The following PGR variants were observed in gnomAD, a reference collection of about 807,000 sequenced individuals.
The protein encoded by PGR is nuclear receptor subfamily 3 group C member 3.
In PGR, 25 loss-of-function variants were observed where a neutral mutation model predicts 76.1. The observed-to-expected ratio is 0.33, with a 90% confidence interval of 0.24 to 0.46. The LOEUF is 0.46. PGR is among the 20% of genes least tolerant of loss of function. PGR has a pLI of 1.00. For synonymous variants in PGR, 579 were observed against 535.0 expected (o/e 1.08, Z -1.14); for missense variants, 1,172 against 1,225.3 (o/e 0.96, Z 0.65).
At chr11:101,072,646 T>C (rs508120) in intron 3 of PGR, among the ~76,000 whole-genome samples, 27,694 of 151,888 alleles carry the variant, frequency 0.18, 3,039 homozygotes, top group African/African-American at 0.31. Context: ...ACCAAGCAAA[T>C]GGAAAGCTAA....
intron 3 of PGR, among the ~76,000 whole-genome samples, chr11:101,074,928 C>G (rs1456112473): frequency 6.6e-6 from 1 of 152,058 alleles, no homozygotes; most frequent in African/African-American, 2.4e-5. Context: ...AATGCTATCC[C>G]CAACAAGCTA....
chr11:101,077,389 T>C (rs1195080577), intron 3 of PGR, among the ~76,000 whole-genome samples: 1 of 152,190 alleles, frequency 6.6e-6, no homozygotes, highest in African/African-American at 2.4e-5. Context: ...CAGTGTGCCT[T>C]TGTATATACT....
chr11:101,046,149 A>G (rs1011119508), intron 6 of PGR, among the ~76,000 whole-genome samples: 7 of 150,796 alleles, frequency 4.6e-5, no homozygotes, highest in Admixed American at 1.3e-4. Context: ...ATTTTGAGAC[A>G]TGGTCTCACT....
chr11:101,056,230 T>C (rs1238343984), intron 4 of PGR, among the ~76,000 whole-genome samples: 1 of 68,408 alleles, frequency 1.5e-5, no homozygotes, highest in Non-Finnish European at 3.3e-5. Flanking sequence ...GTTTAACAAA[T>C]GTTAAAAAAA....
chr11:101,075,665 G>C (rs1283436623), intron 3 of PGR, among the ~76,000 whole-genome samples: 6 of 148,834 alleles, frequency 4.0e-5, no homozygotes, highest in South Asian at 2.1e-4. Flanking sequence ...GTGGGCAAAG[G>C]ATATGAACAG....
chr11:101,123,416 A>G (rs1273893155), intron 2 of PGR, among the ~76,000 whole-genome samples: 1 of 152,236 alleles, frequency 6.6e-6, no homozygotes. Flanking sequence ...TGAACCTGAT[A>G]TAAGTCCTTC....
intron 2 of PGR, among the ~76,000 whole-genome samples, chr11:101,116,985 C>T (rs1486147748): frequency 6.6e-6 from 1 of 151,950 alleles, no homozygotes; most frequent in African/African-American, 2.4e-5. Context: ...AAGGGTATAC[C>T]ACAATTTGCT....
At chr11:101,107,076 A>AG (rs1862186693) in intron 2 of PGR, among the ~76,000 whole-genome samples, 2 of 152,086 alleles carry the variant, frequency 1.3e-5, no homozygotes, top group African/African-American at 2.4e-5. Flanking sequence ...ATGGGGGGCT[A>AG]GGGGAGAGAT....
chr11:101,037,412 C>T lies in PGR; in HGVS notation c.*1704G>A, dbSNP rs1859547229. ...TTAGCACATTTTTCTTGTGCTAATA[C>T]CAGGTATTCAATCAATATTTGTTGA... On this transcript the variant is annotated 3_prime_UTR_variant, in exon 8 of 8. Transcript: ENST00000325455. 1 of 218,228 alleles carries T rather than the reference C, an allele frequency of 4.6e-6. No individual in the cohort carries two copies. Among genetic ancestry groups the T allele is most frequent in the Admixed American group, 5.8e-5 (1 of 17,258 alleles). The allele number at this position is 218,228 out of a possible 1,614,324, so 13.5% of individuals were successfully genotyped here.
chr11:101,104,218 TTTC>T, intron 2 of PGR, among the ~76,000 whole-genome samples: 1 of 152,336 alleles, frequency 6.6e-6, no homozygotes, highest in African/African-American at 2.4e-5. Flanking sequence ...TGTTTTTTAG[TTTC>T]TTCTTCAGAA....
chr11:101,032,166 C>T lies in PGR; in HGVS notation c.*6950G>A, dbSNP rs1422767781. ...TTATATGGTGTATTTCATCTCCTTT[C>T]GTCAGTCCTGTCAATGTTCCTATGT... On this transcript the variant is annotated 3_prime_UTR_variant, in exon 8 of 8. Coordinates refer to ENST00000325455, the MANE Select transcript of PGR (RefSeq NM_000926.4). 1.3e-5 allele frequency: 3 copies of T among 232,738 alleles called. No individual in the cohort carries two copies. Among genetic ancestry groups the T allele is most frequent in the African/African-American group, 2.2e-5 (1 of 45,308 alleles). The allele number at this position is 232,738 out of a possible 1,614,324, so 14.4% of individuals were successfully genotyped here.
At chr11:101,087,370 C>T (rs1861531617) in intron 3 of PGR, among the ~76,000 whole-genome samples, 1 of 152,076 alleles carries the variant, frequency 6.6e-6, no homozygotes, top group Non-Finnish European at 1.5e-5. Flanking sequence ...GGGATACCTA[C>T]CTAGTCACAT....
chr11:101,087,059 A>AT (rs1324546825), intron 3 of PGR, among the ~76,000 whole-genome samples: 1 of 152,158 alleles, frequency 6.6e-6, no homozygotes, highest in Non-Finnish European at 1.5e-5. Flanking sequence ...TACCAACGAC[A>AT]TTTTTTCCAG....
chr11:101,071,591 A>G (rs1860938609), intron 3 of PGR, among the ~76,000 whole-genome samples: 1 of 152,050 alleles, frequency 6.6e-6, no homozygotes, highest in Non-Finnish European at 1.5e-5. Flanking sequence ...AAAAGGTTAG[A>G]GGAATTGCTA....
chr11:101,031,630 T>A lies in PGR; in HGVS notation c.*7486A>T. ...TGGAGTGGGTATACCATTTTGTAAT[T>A]CCACTTGATAATGGCATCTGATTAT... On this transcript the variant is annotated 3_prime_UTR_variant, in exon 8 of 8. Coordinates refer to ENST00000325455, the MANE Select transcript of PGR (RefSeq NM_000926.4). The A allele has an allele frequency of 4.6e-6, 1 of 218,818 alleles. No individual in the cohort carries two copies. The highest frequency in any genetic ancestry group is 9.2e-6 in the Non-Finnish European group (1 of 109,090). The allele number at this position is 218,818 out of a possible 1,614,324, so 13.6% of individuals were successfully genotyped here.
rs372931407 is a variant in PGR at position 101,097,724 on chromosome 11, G to C, written c.1790-5848C>G. ...TTCAGTAATTTCTCACCTTTTTATA[G>C]TAATAGACCATAATTAAATGTGAAG... On this transcript the variant is annotated intron_variant, in intron 2 of 7. Transcript: ENST00000325455. 3.6e-3 allele frequency among the ~76,000 whole-genome samples: 540 copies of C among 149,494 alleles called. 4 individuals carry two copies. The highest frequency in any genetic ancestry group is 0.013 in the African/African-American group (511 of 40,690).
At chr11:101,048,681 G>C (rs1326427666) in intron 6 of PGR, among the ~76,000 whole-genome samples, 1 of 152,100 alleles carries the variant, frequency 6.6e-6, no homozygotes, top group Non-Finnish European at 1.5e-5. Flanking sequence ...GTGAGTCAGC[G>C]AGTGAGTGGT....
Position 101,032,449 on chromosome 11 carries a change from G to A in PGR, c.*6667C>T, listed in dbSNP as rs1591359622. 1 of 232,604 alleles carries A rather than the reference G, an allele frequency of 4.3e-6. No individual in the cohort carries two copies. The highest frequency in any genetic ancestry group is 6.1e-5 in the East Asian group (1 of 16,472). The allele number at this position is 232,604 out of a possible 1,614,324, so 14.4% of individuals were successfully genotyped here. A position where few individuals can be genotyped will look rare whatever the true frequency, so the allele number is the denominator to read the frequency against. ...CTTTAACATGGTGTACAAGGCCACT[G>A]ATTATCTAGACCTGGCTTTCTTCTT... On this transcript the variant is annotated 3_prime_UTR_variant, in exon 8 of 8. Coordinates refer to ENST00000325455, the MANE Select transcript of PGR (RefSeq NM_000926.4).
At chr11:101,120,486 A>G (rs1343662464) in intron 2 of PGR, among the ~76,000 whole-genome samples, 1 of 152,212 alleles carries the variant, frequency 6.6e-6, no homozygotes, top group Non-Finnish European at 1.5e-5. Flanking sequence ...TAATAGTGTA[A>G]TTAGTAATTC....
Sources: allele counts gnomAD v4.1 joint callset (sites outside exome capture counted in the v4.1 genomes callset), GRCh38; gene constraint gnomAD v4.1.1; transcripts MANE v1.5; gene names NCBI Gene and HGNC (gene_info 2026-07-23, HGNC 2026-07-21).